The following TENM2 variants were observed in gnomAD, a reference collection of about 807,000 sequenced individuals.
TENM2 encodes the protein teneurin-2.
Under a neutral mutation model 245.2 loss-of-function variants are expected in TENM2, and 52 were observed. That is an observed-to-expected ratio of 0.21 (90% CI 0.17 to 0.27). The LOEUF is 0.27. Ranked by LOEUF, TENM2 falls within the 10% of genes least tolerant of loss-of-function variation. TENM2 has a pLI of 1.00. For synonymous variants in TENM2, 1,363 were observed against 1,438.9 expected (o/e 0.95, Z 1.19); for missense variants, 3,046 against 3,666.8 (o/e 0.83, Z 4.37).
chr5:168,052,669 C>T (rs1442776317), intron 6 of TENM2, among the ~76,000 whole-genome samples: 2 of 151,846 alleles, frequency 1.3e-5, no homozygotes, highest in Admixed American at 1.3e-4. Flanking sequence ...ATGTGTACAC[C>T]AAGTTGGCCC....
chr5:168,200,303 A>T (rs1315306283), intron 17 of TENM2, among the ~76,000 whole-genome samples, 172 bp downstream of exon 19: 2 of 152,238 alleles, frequency 1.3e-5, no homozygotes, highest in African/African-American at 2.4e-5. Context: ...TTGGTGAGGT[A>T]TTGAGATAAT....
chr5:167,598,325 T>C (rs1023901083), intron 2 of TENM2, among the ~76,000 whole-genome samples: 1 of 152,210 alleles, frequency 6.6e-6, no homozygotes, highest in Admixed American at 6.5e-5. Flanking sequence ...TTCTCCCTCA[T>C]GTGCAAGTCT....
At chr5:167,531,100 A>G (rs762765393) in intron 2 of TENM2, among the ~76,000 whole-genome samples, 2 of 152,150 alleles carry the variant, frequency 1.3e-5, no homozygotes, top group South Asian at 2.1e-4. Context: ...AAATCTTGCT[A>G]AGCATTGGAA....
At chr5:167,215,301 G>T in the TENM2 span, among the ~76,000 whole-genome samples, 1 of 152,170 alleles carries the variant, frequency 6.6e-6, no homozygotes, top group South Asian at 2.1e-4. Flanking sequence ...TGTGGGGCAG[G>T]ATGTGAGTTT....
intron 1 of TENM2, among the ~76,000 whole-genome samples, chr5:167,351,860 A>T (rs917321652): frequency 9.2e-5 from 14 of 152,162 alleles, no homozygotes; most frequent in Non-Finnish European, 1.9e-4. Flanking sequence ...AAACAAAAAA[A>T]AAAATAAAAC....
chr5:167,726,416 A>G (rs1330005664), intron 2 of TENM2, among the ~76,000 whole-genome samples: 1 of 152,138 alleles, frequency 6.6e-6, no homozygotes, highest in Admixed American at 6.5e-5. Context: ...TGAATAGGCG[A>G]GGCCCCTTCT....
intron 2 of TENM2, among the ~76,000 whole-genome samples, chr5:167,523,169 T>A (rs1456713489): frequency 6.6e-6 from 1 of 152,156 alleles, no homozygotes; most frequent in African/African-American, 2.4e-5. Context: ...CTCTCAAGAT[T>A]ATACCTGATC....
intron 25 of TENM2, among the ~76,000 whole-genome samples, chr5:168,238,108 G>T (rs987717356): frequency 7.1e-6 from 1 of 141,592 alleles, no homozygotes; most frequent in Non-Finnish European, 1.5e-5. Flanking sequence ...TTGCGCCACT[G>T]CACTACAGCC....
chr5:168,256,886 A>G (rs1767717857), intron 27 of TENM2, among the ~76,000 whole-genome samples: 1 of 152,306 alleles, frequency 6.6e-6, no homozygotes, highest in South Asian at 2.1e-4. Flanking sequence ...TCAACGTTAA[A>G]TACCTCACAG....
At chr5:167,443,543 T>C (rs1764984908) in intron 2 of TENM2, among the ~76,000 whole-genome samples, 1 of 152,040 alleles carries the variant, frequency 6.6e-6, no homozygotes, top group Non-Finnish European at 1.5e-5. Flanking sequence ...TTAATAGCTA[T>C]GTGAATTCTG....
the TENM2 span, among the ~76,000 whole-genome samples, chr5:167,055,662 T>A: frequency 6.6e-6 from 1 of 152,096 alleles, no homozygotes; most frequent in Non-Finnish European, 1.5e-5. Context: ...TTAATTTTTG[T>A]CAGTGCTAAT....
chr5:167,040,687 A>G, the TENM2 span, among the ~76,000 whole-genome samples: 3 of 152,200 alleles, frequency 2.0e-5, no homozygotes, highest in Non-Finnish European at 4.4e-5. Flanking sequence ...AAAGGGAAAA[A>G]TATATTTCCA....
intron 2 of TENM2, among the ~76,000 whole-genome samples, chr5:167,843,438 C>T (rs1304668565): frequency 6.6e-6 from 1 of 152,154 alleles, no homozygotes; most frequent in African/African-American, 2.4e-5. Context: ...TTAGCACAAC[C>T]TTAGCAGTTA....
intron 2 of TENM2, among the ~76,000 whole-genome samples, chr5:167,724,112 C>T (rs77324280): frequency 0.011 from 1,724 of 152,242 alleles, 21 homozygotes; most frequent in African/African-American, 0.03. Context: ...TGCTTTTGCC[C>T]ATTCTTGTCT....
chr5:167,810,704 G>A (rs1766573268), intron 2 of TENM2, among the ~76,000 whole-genome samples: 1 of 152,072 alleles, frequency 6.6e-6, no homozygotes, highest in Admixed American at 6.6e-5. Flanking sequence ...GGAGAGCCAT[G>A]CTTGTATCCA....
chr5:167,697,158 T>C (rs279412), intron 2 of TENM2, among the ~76,000 whole-genome samples: 11,409 of 152,194 alleles, frequency 0.075, 1,093 homozygotes, highest in African/African-American at 0.23. Flanking sequence ...TGGATGGTGC[T>C]GAATGACCTC....
intron 2 of TENM2, among the ~76,000 whole-genome samples, chr5:167,470,233 G>T (rs1360302105): frequency 6.6e-6 from 1 of 151,974 alleles, no homozygotes; most frequent in Admixed American, 6.5e-5. Context: ...TGATGACCCA[G>T]ACATAAATCA....
chr5:168,141,458 A>G (rs1382608655), intron 12 of TENM2, among the ~76,000 whole-genome samples: 1 of 152,200 alleles, frequency 6.6e-6, no homozygotes, highest in African/African-American at 2.4e-5. Flanking sequence ...AGGCTGACAT[A>G]TCTACCAGCT....
Position 167,670,362 on chromosome 5 carries a change from G to A in TENM2, c.503-205624G>A, listed in dbSNP as rs149874483. Among the ~76,000 whole-genome samples, 37 of 152,166 alleles carry A rather than the reference G, an allele frequency of 2.4e-4. No individual in the cohort carries two copies. In the East Asian group the frequency reaches 5.8e-3, roughly 24 times the overall value. On this transcript the variant is annotated intron_variant, in intron 2 of 28. Coordinates refer to ENST00000518659, the Ensembl canonical transcript of TENM2. ...ACTAAACATATACACATTATAAAGC[G>A]CAATGTGATCCAATGTCAATGAAAG...
Sources: allele counts gnomAD v4.1 joint callset (sites outside exome capture counted in the v4.1 genomes callset), GRCh38; gene constraint gnomAD v4.1.1; transcripts MANE v1.5; gene names NCBI Gene and HGNC (gene_info 2026-07-23, HGNC 2026-07-21).